Variants in HNF4G observed in about 807,000 individuals in gnomAD.
HNF4G encodes hepatocyte nuclear factor 4 gamma, also known as hepatocyte nuclear factor 4-gamma.
A neutral mutation model predicts 50.9 loss-of-function variants in HNF4G; 21 were observed. That is an observed-to-expected ratio of 0.41 (90% CI 0.29 to 0.59). The LOEUF (loss-of-function observed/expected upper bound fraction) is 0.59, where lower values mean the gene tolerates loss of function less well. HNF4G is among the 20% of genes least tolerant of loss of function. The pLI, the probability that HNF4G is intolerant of heterozygous loss-of-function variation, is 0.26. For synonymous variants in HNF4G, 198 were observed against 185.6 expected, an observed-to-expected ratio of 1.07 and a Z score of -0.54; for missense variants, 527 against 559.4, an observed-to-expected ratio of 0.94 and a Z score of 0.58.
chr8:75,495,262 G>A (rs1265689691), intron 2 of HNF4G: 1 of 152,074 alleles, frequency 6.6e-6, no homozygotes, highest in Non-Finnish European at 1.5e-5. Context: ...TTTAATACAG[G>A]TGTAATATCT....
intron 2 of HNF4G, among the ~76,000 whole-genome samples, chr8:75,496,281 C>T (rs1020422499): frequency 6.6e-6 from 1 of 151,950 alleles, no homozygotes; most frequent in African/African-American, 2.4e-5. Flanking sequence ...CACGGTTATC[C>T]TTTATTCTTT....
intron 2 of HNF4G, among the ~76,000 whole-genome samples, chr8:75,532,580 G>A (rs1228653310): frequency 6.6e-6 from 1 of 152,026 alleles, no homozygotes; most frequent in Non-Finnish European, 1.5e-5. Context: ...GAAGTGAATG[G>A]GGTAAGAGAA....
At chr8:75,448,221 G>A (rs1302636071) in intron 1 of HNF4G, among the ~76,000 whole-genome samples, 1 of 138,680 alleles carries the variant, frequency 7.2e-6, no homozygotes, top group Non-Finnish European at 1.5e-5. Flanking sequence ...CTCATAGGTG[G>A]GAATTGAACA....
At chr8:75,504,033 C>A (rs966839310) in intron 2 of HNF4G, among the ~76,000 whole-genome samples, 1 of 151,986 alleles carries the variant, frequency 6.6e-6, no homozygotes, top group African/African-American at 2.4e-5. Flanking sequence ...ACCAGCCTGG[C>A]CAACATGGTG....
At chr8:75,534,148 C>G (rs1806400765) in intron 2 of HNF4G, among the ~76,000 whole-genome samples, 2 of 151,898 alleles carry the variant, frequency 1.3e-5, no homozygotes, top group African/African-American at 4.8e-5. Flanking sequence ...CCACCACAAT[C>G]TTAAATATTC....
In HNF4G at chr8:75,565,279, A is replaced by T. The variant is rs757880154; in HGVS notation, c.*1183A>T. ...TTGGATACTATTCATCATATTGCCTATAATATATATTTACCGATAAGCAGT... is the reference window on the plus strand; with the variant it reads ...TTGGATACTATTCATCATATTGCCTTTAATATATATTTACCGATAAGCAGT... On this transcript the variant is annotated 3_prime_UTR_variant, in exon 10 of 10. Coordinates refer to ENST00000396423, the MANE Select transcript of HNF4G (RefSeq NM_004133.5). 3 of 152,176 alleles carry T rather than the reference A, an allele frequency of 2.0e-5. No individual in the cohort carries two copies. In the East Asian group the frequency reaches 5.8e-4, roughly 29 times the overall value. The allele number at this position is 152,176 out of a possible 1,614,324, so 9.4% of individuals were successfully genotyped here.
intron 1 of HNF4G, among the ~76,000 whole-genome samples, chr8:75,420,416 T>A (rs1354205840): frequency 6.6e-6 from 1 of 152,244 alleles, no homozygotes; most frequent in Admixed American, 6.5e-5. Context: ...GACTCTTTCT[T>A]GCGGCCTATG....
chr8:75,554,275 A>G (rs1023301173), intron 5 of HNF4G, among the ~76,000 whole-genome samples: 5 of 152,190 alleles, frequency 3.3e-5, no homozygotes, highest in Admixed American at 1.3e-4. Flanking sequence ...TACGTTATTT[A>G]TCAGTTTTAT....
At chr8:75,501,636 C>A (rs547937783) in intron 2 of HNF4G, among the ~76,000 whole-genome samples, 16 of 152,152 alleles carry the variant, frequency 1.1e-4, no homozygotes, top group African/African-American at 3.6e-4. Context: ...AAAATTACAT[C>A]CCTTACCAAC....
intron 1 of HNF4G, among the ~76,000 whole-genome samples, chr8:75,456,588 A>G (rs1478427348): frequency 6.6e-6 from 1 of 152,080 alleles, no homozygotes; most frequent in East Asian, 1.9e-4. Context: ...ATTGACTCAA[A>G]TATTTCCTTA....
chr8:75,502,556 C>T lies in HNF4G; in HGVS notation c.-24+12348C>T, dbSNP rs143978621. ...GTAAGCTTTTAAACATATACTAAAA[C>T]GCCTCATCCTGTACAAATAATTAAA... is the stretch of plus-strand genomic sequence containing the variant. On this transcript the variant is annotated intron_variant, in intron 2 of 10. Transcript: ENST00000354370. Among the ~76,000 whole-genome samples, 228 of 152,204 alleles carry T rather than the reference C, an allele frequency of 1.5e-3. 1 individual carries two copies. The highest frequency in any genetic ancestry group is 5.1e-3 in the African/African-American group (213 of 41,540).
At chr8:75,517,829 C>G (rs1476908047) in intron 2 of HNF4G, among the ~76,000 whole-genome samples, 1 of 152,046 alleles carries the variant, frequency 6.6e-6, no homozygotes, top group African/African-American at 2.4e-5. Context: ...CAGTAGGGAC[C>G]TTGTGTGCGG....
intron 1 of HNF4G, among the ~76,000 whole-genome samples, chr8:75,463,172 G>A (rs752629248): frequency 6.7e-6 from 1 of 150,332 alleles, no homozygotes; most frequent in Non-Finnish European, 1.5e-5. Context: ...TTTTTAGCAT[G>A]TAATTTTCTG....
intron 1 of HNF4G, among the ~76,000 whole-genome samples, chr8:75,439,238 G>A (rs1811214106): frequency 6.6e-6 from 1 of 152,062 alleles, no homozygotes; most frequent in East Asian, 1.9e-4. Context: ...AACCCATGGA[G>A]CCTGGGATTA....
chr8:75,551,007 T>C (rs1343163879), intron 3 of HNF4G, among the ~76,000 whole-genome samples: 2 of 152,212 alleles, frequency 1.3e-5, no homozygotes, highest in East Asian at 3.9e-4. Context: ...TCATATTTTC[T>C]GATAGTGAAT....
At chr8:75,561,139 T>G (rs1807300611) in intron 9 of HNF4G, among the ~76,000 whole-genome samples, 1 of 152,192 alleles carries the variant, frequency 6.6e-6, no homozygotes, top group African/African-American at 2.4e-5. Context: ...CCTTGCATTC[T>G]CAATGTCATG....
At chr8:75,475,947 A>AT (rs1220033007) in intron 1 of HNF4G, among the ~76,000 whole-genome samples, 2 of 151,676 alleles carry the variant, frequency 1.3e-5, no homozygotes, top group South Asian at 2.1e-4. Context: ...TATTTTTAAA[A>AT]TTTTTTTTAT....
At chr8:75,504,288 A>C (rs1408185026) in intron 2 of HNF4G, among the ~76,000 whole-genome samples, 1 of 151,568 alleles carries the variant, frequency 6.6e-6, no homozygotes, top group Non-Finnish European at 1.5e-5. Context: ...AAAAACAACA[A>C]CAAAAAAAAT....
intron 1 of HNF4G, among the ~76,000 whole-genome samples, chr8:75,415,035 G>A (rs7001501): frequency 3.3e-5 from 5 of 152,158 alleles, no homozygotes; most frequent in Middle Eastern, 3.2e-3. Context: ...CCAACACTTG[G>A]TATGATCAGT....
Sources: gnomAD v4.1 joint callset for allele counts (sites outside exome capture counted in the v4.1 genomes callset) on GRCh38, gnomAD v4.1.1 for gene constraint, MANE v1.5 for transcripts, NCBI Gene and HGNC (gene_info 2026-07-23, HGNC 2026-07-21) for gene names.